The following ATN1 variants were observed in gnomAD, a reference collection of about 807,000 sequenced individuals.
The protein encoded by ATN1 is atrophin-1.
Under a neutral mutation model 85.8 loss-of-function variants are expected in ATN1, and 19 were observed. The observed-to-expected ratio is 0.22, with a 90% CI of 0.15 to 0.32. ATN1 has a LOEUF of 0.32. Among genes scored for constraint, ATN1 ranks in the 10% least tolerant of loss-of-function variants. ATN1 has a pLI of 1.00. For synonymous variants in ATN1, 674 were observed against 657.0 expected (o/e 1.03, Z -0.39); for missense variants, 1,453 against 1,564.5 (o/e 0.93, Z 1.20).
chr12:6,928,765 G>A (rs781803129), intron 1 of ATN1, among the ~76,000 whole-genome samples: 2 of 152,338 alleles, frequency 1.3e-5, no homozygotes, highest in South Asian at 4.1e-4. Context: ...CCGGGCGAAG[G>A]CAGAATGGAT....
chr12:6,926,823 G>A (rs1945403527), upstream of ATN1, among the ~76,000 whole-genome samples: 1 of 151,946 alleles, frequency 6.6e-6, no homozygotes. Flanking sequence ...ACTGCCGCCA[G>A]CCATAGGCCT....
At position 6,941,501 on chromosome 12, in the gene ATN1, T is replaced by C; in HGVS notation, c.3486T>C (p.His1162=). 2.5e-6 allele frequency: 4 copies of C among 1,612,816 alleles called. No individual in the cohort carries two copies. The highest frequency in any genetic ancestry group is 3.4e-6 in the Non-Finnish European group (4 of 1,179,968). Reference sequence around the variant, plus strand: ...CGCTGGAACAGCAGCAGTGGCTGCATGCCCATCACCCGCTGCACAGTGTGC... The same window carrying C: ...CGCTGGAACAGCAGCAGTGGCTGCACGCCCATCACCCGCTGCACAGTGTGC... The part of the protein sequence containing the change: ...RLALEQQQWL[H]AHHPLHSVPL... Residue 1162 remains histidine, a synonymous_variant, in exon 9 of 10, where the codon CAT becomes CAC. Transcript: ENST00000396684. The surrounding 1 kb of genome is among the most constrained non-coding windows in gnomAD (Gnocchi z 5.9).
chr12:6,931,604 C>G (rs1259839231), intron 1 of ATN1, among the ~76,000 whole-genome samples: 1 of 149,624 alleles, frequency 6.7e-6, no homozygotes, highest in Non-Finnish European at 1.5e-5. Flanking sequence ...ATCCCAGCTA[C>G]TTGGGAGGCT....
chr12:6,937,388 G>A lies in ATN1; in HGVS notation c.2121G>A (p.Ser707=). Residue 707 remains serine, a synonymous_variant, in exon 5 of 10, where the codon TCG becomes TCA. Coordinates refer to ENST00000396684, the MANE Select transcript of ATN1 (RefSeq NM_001940.4). This position sits in a 1 kb window ranked among gnomAD's most constrained non-coding sequence, Gnocchi z 6.0. ...CTGCGGGGCCCTCAGGCCTGCCATC[G>A]CTGCCACCACCACCTGCGGCCCCTG... ...LPPAGPSGLP[S]LPPPPAAPAS... 6.5e-7 allele frequency: 1 copy of A among 1,548,960 alleles called. No homozygotes were observed.
At chr12:6,939,220 T>TC in intron 7 of ATN1, 43 bp downstream of exon 7, 3 of 1,545,284 alleles carry the variant, frequency 1.9e-6, no homozygotes, top group Non-Finnish European at 2.6e-6. Context: ...GGGGCCACCT[T>TC]CCCCCTATCA....
chr12:6,928,648 A>G (rs1208659418), intron 1 of ATN1, among the ~76,000 whole-genome samples: 1 of 152,128 alleles, frequency 6.6e-6, no homozygotes, highest in African/African-American at 2.4e-5. Context: ...GGGTCTCCGG[A>G]GGAGGCCTGT....
rs1945418129 is a variant in ATN1, at chr12:6,928,075, C to A, written c.-472C>A. Among the ~76,000 whole-genome samples, 1 of 118,096 alleles carries A rather than the reference C, an allele frequency of 8.5e-6. No homozygotes were observed. The highest frequency in any genetic ancestry group is 1.8e-5 in the Non-Finnish European group (1 of 56,148). 77.5% of individuals were successfully genotyped at this position (118,096 alleles called of 152,430 possible). ...GGGCGGGCCGCGGGGCCGGGCGGCG[C>A]GGCGGGGGCGGGCGGCGCGGCCCGG... is the stretch of plus-strand genomic sequence containing the variant. On this transcript the variant is annotated 5_prime_UTR_variant, in exon 1 of 10. Coordinates refer to ENST00000396684, the MANE Select transcript of ATN1 (RefSeq NM_001940.4).
At position 6,934,104 on chromosome 12, in the gene ATN1, C is replaced by G; in HGVS notation, c.28-72C>G. ...GGAGGAAGGGTCTAGAGAAGAAGAA[C>G]AAATAATGTGCACCATAAAGTTAGG... On this transcript the variant is annotated intron_variant, in intron 2 of 9. Coordinates refer to ENST00000396684, the MANE Select transcript of ATN1 (RefSeq NM_001940.4). The surrounding 1 kb of genome is among the most constrained non-coding windows in gnomAD (Gnocchi z 4.5). 2 of 1,613,508 alleles carry G rather than the reference C, an allele frequency of 1.2e-6. No homozygotes were observed. The highest frequency in any genetic ancestry group is 1.7e-6 in the Non-Finnish European group (2 of 1,179,624).
Position 6,938,806 on chromosome 12 carries a change from C to G in ATN1, c.2843C>G (p.Pro948Arg), listed in dbSNP as rs1555144267. 1 of 1,614,100 alleles carries G rather than the reference C, an allele frequency of 6.2e-7. No homozygotes were observed. The highest frequency in any genetic ancestry group is 1.3e-5 in the African/African-American group (1 of 74,944). ...RERDLRDRLKPGFEVKPSELE... is the reference protein window; with the variant it reads ...RERDLRDRLKRGFEVKPSELE... ...CGAGACCTCCGTGACCGCCTCAAGC[C>G]TGGCTTTGAGGTGAAGCCTAGTGAG... is the stretch of plus-strand genomic sequence containing the variant. Residue 948 changes from proline (P) to arginine (R), a missense_variant, in exon 7 of 10, where the codon CCT becomes CGT. By Grantham distance (103) the Pro-to-Arg change is moderately radical. Transcript: ENST00000396684.
rs782807335 is a variant in ATN1, at chr12:6,934,411, G to A, written c.166-54G>A. On this transcript the variant is annotated intron_variant, in intron 3 of 9. Transcript: ENST00000396684. The surrounding 1 kb of genome is among the most constrained non-coding windows in gnomAD (Gnocchi z 4.5). ...AACTTCCTGTTTGGCAGAGGGTAAC[G>A]GTGGAGCTCGGGAGGTAGGGAAAAG... The A allele has an allele frequency of 3.7e-5, 60 of 1,607,480 alleles. No homozygotes were observed. The South Asian group carries it at 5.7e-4, about 15-fold the overall frequency.
chr12:6,928,436 G>C (rs1382846487), intron 1 of ATN1, 52 bp downstream of exon 1: 1 of 152,060 alleles, frequency 6.6e-6, no homozygotes, highest in Non-Finnish European at 1.5e-5. Context: ...TGTCCCGCCC[G>C]GGCTCCGGCC....
chr12:6,924,897 C>T (rs1346812222), upstream of ATN1, among the ~76,000 whole-genome samples: 2 of 152,172 alleles, frequency 1.3e-5, no homozygotes, highest in Admixed American at 6.5e-5. Flanking sequence ...TCTGTCCTTT[C>T]TTTCATCCCT....
At chr12:6,927,366 C>G (rs984788396), upstream of ATN1, among the ~76,000 whole-genome samples, 1 of 151,976 alleles carries the variant, frequency 6.6e-6, no homozygotes, top group Admixed American at 6.6e-5. Context: ...CAGGCACCCA[C>G]AAAGCCCCCA....
Position 6,941,674 on chromosome 12 carries a change from T to G in ATN1, c.3540-73T>G, listed in dbSNP as rs1555144682. On this transcript the variant is annotated intron_variant, in intron 9 of 9. Coordinates refer to ENST00000396684, the MANE Select transcript of ATN1 (RefSeq NM_001940.4). This position sits in a 1 kb window ranked among gnomAD's most constrained non-coding sequence, Gnocchi z 5.9. ...GGGAACCCCTCCTCTCCCAACCCCT[T>G]CGGTAAGAGGGGGCAAGGTCAGAGT... is the stretch of plus-strand genomic sequence containing the variant. 1.8e-5 allele frequency: 29 copies of G among 1,592,034 alleles called. No homozygotes were observed. The highest frequency in any genetic ancestry group is 2.5e-5 in the Non-Finnish European group (29 of 1,160,354).
At chr12:6,932,603 T>C (rs7315265) in intron 1 of ATN1, among the ~76,000 whole-genome samples, 6,315 of 152,180 alleles carry the variant, frequency 0.041, 331 homozygotes, top group African/African-American at 0.11. Context: ...TGTGAGAAAC[T>C]GTGTAACCCA....
intron 1 of ATN1, 133 bp from the exon 2 acceptor site, chr12:6,933,707 T>G (rs1945494836): frequency 3.9e-6 from 2 of 513,518 alleles, no homozygotes; most frequent in Admixed American, 6.5e-5. Context: ...GCCAGCAATG[T>G]CTTGTGGTAT....
rs1945421151 is a variant in ATN1 at position 6,928,277 on chromosome 12, G to A, written c.-270G>A. On this transcript the variant is annotated 5_prime_UTR_variant, in exon 1 of 10. Transcript: ENST00000396684. ...CCGCCGTCGTCGCGGCGGCGACTGA[G>A]GCCGAGAAGAGGAGAGGGGGGCGGG... 2 of 148,118 alleles carry A rather than the reference G, an allele frequency of 1.4e-5. No individual in the cohort carries two copies. Among genetic ancestry groups the A allele is most frequent in the South Asian group, 2.1e-4 (1 of 4,698 alleles). 9.2% of individuals were successfully genotyped at this position (148,118 alleles called of 1,614,324 possible).
Position 6,936,855 on chromosome 12 carries a change from T to C in ATN1, c.1588T>C (p.Tyr530His). 1 of 1,613,854 alleles carries C rather than the reference T, an allele frequency of 6.2e-7. No individual in the cohort carries two copies. Among genetic ancestry groups the C allele is most frequent in the East Asian group, 2.2e-5 (1 of 44,834 alleles). Residue 530 changes from tyrosine to histidine, a missense_variant, in exon 5 of 10, where the codon TAC (tyrosine) becomes CAC (histidine). Tyr to His is a moderately conservative substitution (Grantham distance 83, BLOSUM62 2). Transcript: ENST00000396684. ...EGGSSHHAHP[Y>H]AMSPSLGSLR... ...CGGTAGCTCCCACCACGCACACCCTTACGCCATGTCTCCCTCCCTGGGGTC... is the reference window on the plus strand; with the variant it reads ...CGGTAGCTCCCACCACGCACACCCTCACGCCATGTCTCCCTCCCTGGGGTC...
chr12:6,941,743 C>G lies in ATN1; in HGVS notation c.3540-4C>G, dbSNP rs1555144704. ...CTCTCTGCTATGCACTGCCCCTTCC[C>G]TAGTCACCTGAAGAAGGAAAGCGAC... On this transcript the variant is annotated splice_region_variant and splice_polypyrimidine_tract_variant and intron_variant, in intron 9 of 9. Transcript: ENST00000396684. This position sits in a 1 kb window ranked among gnomAD's most constrained non-coding sequence, Gnocchi z 5.9. The G allele has an allele frequency of 6.2e-7, 1 of 1,613,890 alleles. No individual in the cohort carries two copies. Among genetic ancestry groups the G allele is most frequent in the Admixed American group, 1.7e-5 (1 of 60,020 alleles).
Sources: gnomAD v4.1 joint callset for allele counts (sites outside exome capture counted in the v4.1 genomes callset) on GRCh38, gnomAD v4.1.1 for gene constraint, Gnocchi (gnomAD v3.1) non-coding constraint, MANE v1.5 for transcripts, NCBI Gene and HGNC (gene_info 2026-07-23, HGNC 2026-07-21) for gene names.